ATP10A: variants seen among roughly 807,000 people sequenced by gnomAD.
The protein encoded by ATP10A is phospholipid-transporting ATPase VA.
Under a neutral mutation model 147.8 loss-of-function variants are expected in ATP10A, and 111 were observed. The ratio of observed to expected loss-of-function variants is 0.75; its 90% confidence interval spans 0.64 to 0.88. The LOEUF is 0.88. Among genes scored for constraint, ATP10A ranks in the 40% least tolerant of loss-of-function variants. ATP10A has a pLI of 0.00. For missense variants in ATP10A, 1,927 were observed against 1,959.0 expected (o/e 0.98, Z 0.31); for synonymous variants, 875 against 841.6 (o/e 1.04, Z -0.69).
intron 7 of ATP10A, 78 bp from the exon 8 acceptor site, chr15:25,718,477 A>G (rs1901985275): frequency 7.0e-7 from 1 of 1,425,550 alleles, no homozygotes; most frequent in African/African-American, 1.4e-5. Flanking sequence ...AGTGTGTTTT[A>G]GGTTCCGCGA....
At chr15:25,836,056 G>A (rs1186751083) in intron 1 of ATP10A, among the ~76,000 whole-genome samples, 2 of 152,098 alleles carry the variant, frequency 1.3e-5, no homozygotes, top group Non-Finnish European at 2.9e-5. Flanking sequence ...CTCGTGATCC[G>A]CCCACCTCGG....
intron 1 of ATP10A, among the ~76,000 whole-genome samples, chr15:25,842,689 G>A (rs1340296279): frequency 6.6e-6 from 1 of 152,006 alleles, no homozygotes; most frequent in African/African-American, 2.4e-5. Flanking sequence ...TGATTGTATA[G>A]ATAGGTAAAC....
At chr15:25,743,222 T>C (rs1887664784) in intron 2 of ATP10A, among the ~76,000 whole-genome samples, 1 of 152,144 alleles carries the variant, frequency 6.6e-6, no homozygotes, top group African/African-American at 2.4e-5. Flanking sequence ...AGAGGTCAGC[T>C]AAGAAAAAAC....
Position 25,826,340 on chromosome 15 carries a change from G to A in ATP10A, c.449+36308C>T, listed in dbSNP as rs567167307. ...TTTGGGAGGCCTAGGTGGGTGGATC[G>A]CTTGAGCTCATGAGTTTGAGACCAA... On this transcript the variant is annotated intron_variant, in intron 1 of 20. Transcript: ENST00000555815. Among the ~76,000 whole-genome samples the A allele has an allele frequency of 2.0e-4, 30 of 152,218 alleles. No individual in the cohort carries two copies. The East Asian group carries it at 2.5e-3, about 13-fold the overall frequency.
chr15:25,773,817 TCCACACAC>T (rs1417544693), intron 2 of ATP10A, among the ~76,000 whole-genome samples: 262 of 105,108 alleles, frequency 2.5e-3, no homozygotes, highest in African/African-American at 8.0e-3. Flanking sequence ...CACCTAAACA[TCCACACAC>T]ACACACACAC....
At position 25,788,239 on chromosome 15, in the gene ATP10A, C is replaced by T. The variant is rs544238205; in HGVS notation, c.450-7016G>A. ...ATCAATAATTAACGAGGGTGCTTCA[C>T]ATCTGGCCACTACTTTCATTTAGGG... On this transcript the variant is annotated intron_variant, in intron 1 of 20. Transcript: ENST00000555815. 3.3e-5 allele frequency among the ~76,000 whole-genome samples: 5 copies of T among 152,376 alleles called. No individual in the cohort carries two copies. In the South Asian group the frequency reaches 1.0e-3, roughly 32 times the overall value.
chr15:25,829,983 C>G lies in ATP10A; in HGVS notation c.449+32665G>C, dbSNP rs552366161. Among the ~76,000 whole-genome samples, 4 of 152,192 alleles carry G rather than the reference C, an allele frequency of 2.6e-5. No individual in the cohort carries two copies. In the East Asian group the frequency reaches 7.7e-4, roughly 29 times the overall value. On this transcript the variant is annotated intron_variant, in intron 1 of 20. Transcript: ENST00000555815. ...TGGGTGGAGGATGCTCAGGTGTGTG[C>G]TAGGGGCCGGGGTGGAGGCAGGAGG...
chr15:25,821,159 G>A (rs1440007395), intron 1 of ATP10A, among the ~76,000 whole-genome samples: 1 of 152,182 alleles, frequency 6.6e-6, no homozygotes, highest in Non-Finnish European at 1.5e-5. Flanking sequence ...CAGCGTGCTT[G>A]GAAGCTAAGA....
intron 3 of ATP10A, among the ~76,000 whole-genome samples, chr15:25,734,655 T>G (rs1171257840): frequency 6.6e-6 from 1 of 152,090 alleles, no homozygotes; most frequent in Non-Finnish European, 1.5e-5. Context: ...CCCCAAATCG[T>G]AGAGGTTATA....
At chr15:25,794,682 C>T (rs896879867) in intron 1 of ATP10A, among the ~76,000 whole-genome samples, 8 of 152,284 alleles carry the variant, frequency 5.3e-5, no homozygotes, top group Admixed American at 2.0e-4. Flanking sequence ...AGTGCCCTCG[C>T]GAAACTGACT....
At chr15:25,694,376 G>A (rs541125413) in intron 14 of ATP10A, among the ~76,000 whole-genome samples, 2 of 152,358 alleles carry the variant, frequency 1.3e-5, no homozygotes, top group African/African-American at 4.8e-5. Flanking sequence ...TGGTCACCAA[G>A]CCTCTGGGCC....
At chr15:25,749,979 C>T (rs748030686) in intron 2 of ATP10A, among the ~76,000 whole-genome samples, 4 of 151,982 alleles carry the variant, frequency 2.6e-5, no homozygotes, top group Non-Finnish European at 2.9e-5. Flanking sequence ...AGTTGTAAAA[C>T]AATTTCAAGA....
chr15:25,788,446 C>T (rs867396008), intron 1 of ATP10A, among the ~76,000 whole-genome samples: 6 of 152,228 alleles, frequency 3.9e-5, no homozygotes, highest in Admixed American at 6.5e-5. Flanking sequence ...TAGCCCTCTG[C>T]TCCCGTCCCA....
At position 25,680,862 on chromosome 15, in the gene ATP10A, G is replaced by T; in HGVS notation, c.3626C>A (p.Thr1209Lys). ...DLFTWGTPIV[T>K]IALLTFLLHL... ...GAGCAGGAAAGTGAGCAGCGCGATT[G>T]TCACAATAGGGGTCCCCCAGGTAAA... Residue 1209 changes from threonine to lysine, a missense_variant, in exon 19 of 21, where the codon ACA (threonine) becomes AAA (lysine). Coordinates refer to ENST00000555815, the MANE Select transcript of ATP10A (RefSeq NM_024490.4). 1 of 1,614,092 alleles carries T rather than the reference G, an allele frequency of 6.2e-7. No homozygotes were observed.
chr15:25,862,327 G>T (rs748553902), intron 1 of ATP10A: 1 of 558,906 alleles, frequency 1.8e-6, no homozygotes, highest in African/African-American at 1.9e-5. Flanking sequence ...TTCACTTCAG[G>T]TGGGAGCGGC....
At chr15:25,846,966 T>A (rs1300841420) in intron 1 of ATP10A, among the ~76,000 whole-genome samples, 1 of 152,164 alleles carries the variant, frequency 6.6e-6, no homozygotes, top group Non-Finnish European at 1.5e-5. Context: ...GATAGAGGTG[T>A]GAGATCAAAA....
At position 25,830,355 on chromosome 15, in the gene ATP10A, C is replaced by T. The variant is rs552280104; in HGVS notation, c.449+32293G>A. ...GGGTGGAAGTGTCCCTCTATTGTGCCCTGAAACTAGCGGCCAGCCTGTCCA... is the reference window on the plus strand; with the variant it reads ...GGGTGGAAGTGTCCCTCTATTGTGCTCTGAAACTAGCGGCCAGCCTGTCCA... On this transcript the variant is annotated intron_variant, in intron 1 of 20. Transcript: ENST00000555815. Among the ~76,000 whole-genome samples, 12 of 152,284 alleles carry T rather than the reference C, an allele frequency of 7.9e-5. No homozygotes were observed. In the South Asian group the frequency reaches 2.5e-3, roughly 32 times the overall value.
intron 1 of ATP10A, among the ~76,000 whole-genome samples, chr15:25,811,564 G>T (rs1891434890): frequency 6.6e-6 from 1 of 152,240 alleles, no homozygotes; most frequent in South Asian, 2.1e-4. Context: ...CTTGTTAGAG[G>T]AGTGCACACT....
chr15:25,777,722 C>G (rs1889683349), intron 2 of ATP10A, among the ~76,000 whole-genome samples: 1 of 151,826 alleles, frequency 6.6e-6, no homozygotes, highest in Non-Finnish European at 1.5e-5. Context: ...CATTCAATCC[C>G]TTGAGCAGCT....
Sources: allele counts gnomAD v4.1 joint callset (sites outside exome capture counted in the v4.1 genomes callset), GRCh38; gene constraint gnomAD v4.1.1; transcripts MANE v1.5; gene names NCBI Gene and HGNC (gene_info 2026-07-23, HGNC 2026-07-21).